PREX1: variants seen among roughly 807,000 people sequenced by gnomAD.
PREX1 encodes phosphatidylinositol-3,4,5-trisphosphate dependent Rac exchange factor 1.
PREX1 carries 41 observed loss-of-function variants against 198.3 expected under a neutral mutation model. That is an observed-to-expected ratio of 0.21 (90% CI 0.16 to 0.27). The LOEUF is 0.27. Ranked by LOEUF, PREX1 falls within the 10% of genes least tolerant of loss-of-function variation. The pLI, the probability that PREX1 is intolerant of heterozygous loss-of-function variation, is 1.00. For synonymous variants in PREX1, 843 were observed against 887.2 expected (o/e 0.95, Z 0.89); for missense variants, 1,620 against 2,200.7 (o/e 0.74, Z 5.28).
At chr20:48,646,986 A>G (rs539910765) in intron 25 of PREX1, among the ~76,000 whole-genome samples, 22 of 152,390 alleles carry the variant, frequency 1.4e-4, no homozygotes, top group South Asian at 6.2e-4. Context: ...CACGCCTGTA[A>G]TCCCAACACT....
chr20:48,702,295 G>A lies in PREX1; in HGVS notation c.784-1409C>T, dbSNP rs1197477507. Among the ~76,000 whole-genome samples, 3 of 152,018 alleles carry A rather than the reference G, an allele frequency of 2.0e-5. 1 individual carries two copies. In the East Asian group the frequency reaches 5.8e-4, roughly 29 times the overall value. ...GATCCTTAGAGCCTGGGATCACACA[G>A]GTCTCCCTGAAACCAAGAGGACCCA... On this transcript the variant is annotated intron_variant, in intron 6 of 39. Transcript: ENST00000371941.
intron 1 of PREX1, among the ~76,000 whole-genome samples, chr20:48,799,376 A>T (rs956282619): frequency 1.3e-5 from 2 of 152,138 alleles, no homozygotes; most frequent in South Asian, 4.1e-4. Flanking sequence ...ACAGGCCTGG[A>T]AGAGGAAAAC....
At chr20:48,847,867 T>C in the PREX1 span, among the ~76,000 whole-genome samples, 4 of 152,236 alleles carry the variant, frequency 2.6e-5, no homozygotes, top group South Asian at 2.1e-4. Flanking sequence ...TCATGTGCTA[T>C]GTGCTTTTTT....
intron 1 of PREX1, among the ~76,000 whole-genome samples, chr20:48,787,581 G>A (rs1356722593): frequency 6.8e-5 from 10 of 147,158 alleles, no homozygotes; most frequent in Non-Finnish European, 1.0e-4. Flanking sequence ...GCAGGACGAC[G>A]AAAACCCTCG....
Position 48,642,497 on chromosome 20 carries a change from G to A in PREX1, c.3602-8C>T, listed in dbSNP as rs778807389. 1.9e-6 allele frequency: 3 copies of A among 1,607,948 alleles called. No homozygotes were observed. Among genetic ancestry groups the A allele is most frequent in the South Asian group, 2.2e-5 (2 of 90,558 alleles). ...CACAGGGCAGCTCATCTCCTGGCAG[G>A]AGGTAGAAGCAGCAGCCATCAGTCA... On this transcript the variant is annotated splice_region_variant and splice_polypyrimidine_tract_variant and intron_variant, in intron 27 of 39. Transcript: ENST00000371941.
intron 7 of PREX1, among the ~76,000 whole-genome samples, chr20:48,693,627 G>T (rs1568827415): frequency 6.6e-6 from 1 of 152,054 alleles, no homozygotes; most frequent in Non-Finnish European, 1.5e-5. Flanking sequence ...ATTTTTTTGA[G>T]ATGGAGTCTC....
In PREX1 at chr20:48,644,506, G is replaced by A; in HGVS notation, c.3513-9C>T. 1 of 1,612,128 alleles carries A rather than the reference G, an allele frequency of 6.2e-7. No homozygotes were observed. Among genetic ancestry groups the A allele is most frequent in the Non-Finnish European group, 8.5e-7 (1 of 1,178,864 alleles). ...GATTGCTGTTACACTCGCTGCAAAG[G>A]GGCCCAGAGAAGGGGCTGAGTCACC... is the stretch of plus-strand genomic sequence containing the variant. On this transcript the variant is annotated splice_polypyrimidine_tract_variant and intron_variant, in intron 26 of 39. Coordinates refer to ENST00000371941, the MANE Select transcript of PREX1 (RefSeq NM_020820.4).
chr20:48,755,540 G>T (rs1225980395), intron 1 of PREX1, among the ~76,000 whole-genome samples: 1 of 152,172 alleles, frequency 6.6e-6, no homozygotes, highest in African/African-American at 2.4e-5. Context: ...ATTCTCTTCT[G>T]CTATTCCCTT....
chr20:48,758,413 G>A (rs1471835743), intron 1 of PREX1, among the ~76,000 whole-genome samples: 1 of 152,188 alleles, frequency 6.6e-6, no homozygotes, highest in Non-Finnish European at 1.5e-5. Context: ...GCCCTGGAGT[G>A]GTTGAGGTGT....
chr20:48,856,009 G>C, the PREX1 span, among the ~76,000 whole-genome samples: 1 of 152,216 alleles, frequency 6.6e-6, no homozygotes, highest in African/African-American at 2.4e-5. Context: ...CGAGGGAGCG[G>C]CTGTTATTTT....
rs2089746643 is a variant in PREX1, at chr20:48,681,135, A to T, written c.1435+100T>A. On this transcript the variant is annotated intron_variant, in intron 11 of 39. Transcript: ENST00000371941. ...TGTGCCCAGAAAACACGGCGGCTGC[A>T]CGAAAGGATAGGAGCTGCCTGAGCT... The T allele has an allele frequency of 2.9e-6, 3 of 1,028,578 alleles. No homozygotes were observed. The Admixed American group carries it at 5.6e-5, about 19-fold the overall frequency. The allele number at this position is 1,028,578 out of a possible 1,614,324, so 63.7% of individuals were successfully genotyped here.
intron 14 of PREX1, among the ~76,000 whole-genome samples, chr20:48,673,794 G>T (rs1170243050): frequency 6.6e-6 from 1 of 152,136 alleles, no homozygotes; most frequent in Non-Finnish European, 1.5e-5. Flanking sequence ...GGGCCACCTT[G>T]AATCTTTTGT....
chr20:48,733,664 T>TA (rs1460982304), intron 4 of PREX1, among the ~76,000 whole-genome samples: 1 of 147,414 alleles, frequency 6.8e-6, no homozygotes, highest in Non-Finnish European at 1.5e-5. Flanking sequence ...TCTCAGGTCT[T>TA]AAACTCCCCA....
intron 33 of PREX1, 127 bp from the exon 34 acceptor site, chr20:48,632,766 C>T: frequency 2.0e-6 from 2 of 1,015,754 alleles, no homozygotes; most frequent in African/African-American, 1.6e-5. Flanking sequence ...TGGGACCTCC[C>T]TGTTCTCCCG....
chr20:48,828,612 A>T (rs1273982065), upstream of PREX1, among the ~76,000 whole-genome samples: 1 of 151,872 alleles, frequency 6.6e-6, no homozygotes, highest in Admixed American at 6.6e-5. Flanking sequence ...TGCTACCACG[A>T]CCTTGGGAAG....
rs756251043 is a variant in PREX1 at position 48,768,118 on chromosome 20, T to C, written c.220-20238A>G. On this transcript the variant is annotated intron_variant, in intron 1 of 39. Transcript: ENST00000371941. ...AGAGGGGAAAGGAGGTGAAGTTCCA[T>C]AAGCCTCCAAGCTTCCATTCCTATG... 6.6e-5 allele frequency among the ~76,000 whole-genome samples: 10 copies of C among 152,190 alleles called. 1 individual carries two copies. The highest frequency in any genetic ancestry group is 2.1e-4 in the South Asian group (1 of 4,834).
intron 35 of PREX1, among the ~76,000 whole-genome samples, 161 bp from the exon 36 acceptor site, chr20:48,630,955 C>T (rs2089309689): frequency 6.6e-6 from 1 of 152,110 alleles, no homozygotes; most frequent in Admixed American, 6.5e-5. Flanking sequence ...CCGCAGGCAC[C>T]TGTTCCTACA....
At chr20:48,796,867 A>G (rs879084368) in intron 1 of PREX1, among the ~76,000 whole-genome samples, 1 of 151,820 alleles carries the variant, frequency 6.6e-6, no homozygotes, top group Non-Finnish European at 1.5e-5. Context: ...ATACTATATA[A>G]TTCCATTTTA....
intron 1 of PREX1, among the ~76,000 whole-genome samples, chr20:48,780,828 C>A (rs1227034537): frequency 6.6e-6 from 1 of 152,172 alleles, no homozygotes; most frequent in African/African-American, 2.4e-5. Flanking sequence ...GAATCTCCCC[C>A]AAAATGTCTA....
Sources: gnomAD v4.1 joint callset for allele counts (sites outside exome capture counted in the v4.1 genomes callset) on GRCh38, gnomAD v4.1.1 for gene constraint, MANE v1.5 for transcripts, NCBI Gene and HGNC (gene_info 2026-07-23, HGNC 2026-07-21) for gene names.